CTNNA3: variants seen among roughly 807,000 people sequenced by gnomAD.
CTNNA3 encodes the protein catenin alpha-3.
CTNNA3 carries 76 observed loss-of-function variants against 95.7 expected under a neutral mutation model. The observed-to-expected ratio is 0.79, with a 90% CI of 0.66 to 0.96. The LOEUF is 0.96. Among genes scored for constraint, CTNNA3 ranks in the 40% least tolerant of loss-of-function variants. CTNNA3 has a pLI of 0.00. For synonymous variants in CTNNA3, 431 were observed against 374.4 expected (o/e 1.15, Z -1.74); for missense variants, 1,191 against 1,089.8 (o/e 1.09, Z -1.31).
intron 13 of CTNNA3, among the ~76,000 whole-genome samples, chr10:66,189,600 T>TTATATATATATATATATATATATA (rs539638553): frequency 0.02 from 1,741 of 88,142 alleles, 45 homozygotes; most frequent in African/African-American, 0.042. Flanking sequence ...TACTATAGAT[T>TTATATATATATATATATATATATA]TATATATATA....
chr10:66,415,271 C>T (rs1438346181), intron 11 of CTNNA3, among the ~76,000 whole-genome samples: 2 of 152,080 alleles, frequency 1.3e-5, no homozygotes, highest in Admixed American at 1.3e-4. Context: ...CAGTTTAGTT[C>T]ACCACTGATG....
intron 13 of CTNNA3, among the ~76,000 whole-genome samples, chr10:66,224,820 T>C (rs867221964): frequency 1.1e-4 from 16 of 152,134 alleles, no homozygotes; most frequent in Admixed American, 6.6e-5. Context: ...CCTTACAGTT[T>C]TTTGAAAGCA....
At chr10:67,028,970 A>G (rs1853559753) in intron 7 of CTNNA3, among the ~76,000 whole-genome samples, 1 of 152,186 alleles carries the variant, frequency 6.6e-6, no homozygotes, top group Non-Finnish European at 1.5e-5. Context: ...GTGCCTCAAA[A>G]ATCAACAGCA....
At chr10:66,429,808 C>A (rs2093278483) in intron 11 of CTNNA3, among the ~76,000 whole-genome samples, 1 of 152,044 alleles carries the variant, frequency 6.6e-6, no homozygotes, top group Non-Finnish European at 1.5e-5. Flanking sequence ...ACTGAATGGG[C>A]AAAACCTGGA....
At chr10:66,994,526 G>A (rs1158617700) in intron 7 of CTNNA3, among the ~76,000 whole-genome samples, 1 of 152,150 alleles carries the variant, frequency 6.6e-6, no homozygotes. Context: ...GAAAAAAGCA[G>A]TTGAAGTAAT....
chr10:67,186,137 C>T (rs183884344), intron 6 of CTNNA3, among the ~76,000 whole-genome samples: 26 of 152,124 alleles, frequency 1.7e-4, no homozygotes, highest in Admixed American at 1.5e-3. Context: ...TCTTTAATTG[C>T]TCTAATGTAA....
intron 5 of CTNNA3, among the ~76,000 whole-genome samples, chr10:67,429,018 T>A (rs1212857580): frequency 6.6e-6 from 1 of 151,978 alleles, no homozygotes; most frequent in Admixed American, 6.6e-5. Context: ...ACTAATACAG[T>A]GACACTTTCT....
At chr10:66,190,375 G>T (rs1484505324) in intron 13 of CTNNA3, among the ~76,000 whole-genome samples, 1 of 152,106 alleles carries the variant, frequency 6.6e-6, no homozygotes, top group African/African-American at 2.4e-5. Context: ...TTCAACTGAT[G>T]GAAACGAAAG....
intron 12 of CTNNA3, among the ~76,000 whole-genome samples, chr10:66,373,059 A>C (rs2092765864): frequency 6.6e-6 from 1 of 152,118 alleles, no homozygotes; most frequent in South Asian, 2.1e-4. Flanking sequence ...TTTAACAATA[A>C]AATTTCTATC....
chr10:66,144,189 G>A (rs1429075261), intron 13 of CTNNA3, among the ~76,000 whole-genome samples: 1 of 152,134 alleles, frequency 6.6e-6, no homozygotes, highest in African/African-American at 2.4e-5. Context: ...AGAATTGAGA[G>A]CAAAATGGAA....
chr10:67,023,766 T>C (rs1853177830), intron 7 of CTNNA3, among the ~76,000 whole-genome samples: 1 of 152,190 alleles, frequency 6.6e-6, no homozygotes, highest in African/African-American at 2.4e-5. Flanking sequence ...GAAACATGAA[T>C]TGGATTTTAC....
chr10:66,019,860 C>T (rs1284432137), intron 15 of CTNNA3, among the ~76,000 whole-genome samples: 1 of 152,076 alleles, frequency 6.6e-6, no homozygotes, highest in Non-Finnish European at 1.5e-5. Context: ...AAATATTTAG[C>T]ATAATTAGTC....
intron 12 of CTNNA3, among the ~76,000 whole-genome samples, chr10:66,347,775 T>C (rs1289131262): frequency 6.6e-6 from 1 of 152,038 alleles, no homozygotes; most frequent in African/African-American, 2.4e-5. Flanking sequence ...TGGATTACAG[T>C]ACAGTGAAAC....
At chr10:66,176,696 G>A (rs917531502) in intron 13 of CTNNA3, among the ~76,000 whole-genome samples, 1 of 152,022 alleles carries the variant, frequency 6.6e-6, no homozygotes, top group African/African-American at 2.4e-5. Flanking sequence ...TACCATGTAA[G>A]GACACAGCCA....
chr10:67,537,926 C>T (rs891768751), intron 4 of CTNNA3, among the ~76,000 whole-genome samples: 1 of 151,424 alleles, frequency 6.6e-6, no homozygotes, highest in Non-Finnish European at 1.5e-5. Flanking sequence ...TAAACAGCTG[C>T]TGGTGATGAG....
At chr10:66,036,862 A>ATTTTTT (rs57081880) in intron 15 of CTNNA3, among the ~76,000 whole-genome samples, 1 of 95,700 alleles carries the variant, frequency 1.0e-5, no homozygotes, top group Non-Finnish European at 2.0e-5. Context: ...AGTAGTTCCA[A>ATTTTTT]TTTTTTTTTT....
intron 5 of CTNNA3, among the ~76,000 whole-genome samples, chr10:67,438,637 A>C (rs1301743671): frequency 2.6e-5 from 4 of 152,284 alleles, no homozygotes; most frequent in Non-Finnish European, 5.9e-5. Context: ...TGAAAGAAGC[A>C]CTGAAGAGGG....
chr10:66,189,427 T>A (rs1383236861), intron 13 of CTNNA3, among the ~76,000 whole-genome samples: 1 of 151,848 alleles, frequency 6.6e-6, no homozygotes, highest in African/African-American at 2.4e-5. Context: ...CTTTTGCATA[T>A]GGATATTCAG....
intron 5 of CTNNA3, among the ~76,000 whole-genome samples, chr10:67,355,732 TA>T (rs1842785841): frequency 6.6e-6 from 1 of 152,074 alleles, no homozygotes; most frequent in African/African-American, 2.4e-5. Context: ...TATGCAATGA[TA>T]ATACAAAGCT....
Sources: gnomAD v4.1 joint callset for allele counts (sites outside exome capture counted in the v4.1 genomes callset) on GRCh38, gnomAD v4.1.1 for gene constraint, MANE v1.5 for transcripts, NCBI Gene and HGNC (gene_info 2026-07-23, HGNC 2026-07-21) for gene names.